The following PPP2R3C variants were observed in gnomAD, a reference collection of about 807,000 sequenced individuals.
The protein encoded by PPP2R3C is serine/threonine-protein phosphatase 2A regulatory subunit B'' subunit gamma.
A neutral mutation model predicts 63.7 loss-of-function variants in PPP2R3C; 47 were observed. The observed-to-expected ratio is 0.74, with a 90% CI of 0.58 to 0.94. PPP2R3C has a LOEUF of 0.94. Among genes scored for constraint, PPP2R3C ranks in the 40% least tolerant of loss-of-function variants. The pLI, the probability that PPP2R3C is intolerant of heterozygous loss-of-function variation, is 0.00. For missense variants in PPP2R3C, 421 were observed against 518.4 expected, an observed-to-expected ratio of 0.81 and a Z score of 1.82; for synonymous variants, 180 against 177.4, an observed-to-expected ratio of 1.01 and a Z score of -0.12.
chr14:35,120,405 C>T (rs1008659806), intron 1 of PPP2R3C, among the ~76,000 whole-genome samples: 144 of 151,796 alleles, frequency 9.5e-4, no homozygotes, highest in African/African-American at 3.3e-3. Flanking sequence ...CCACCACTAC[C>T]GGGTAATTTT....
chr14:35,091,107 C>T lies in PPP2R3C; in HGVS notation c.1076G>A (p.Gly359Glu). The T allele has an allele frequency of 6.2e-7, 1 of 1,607,184 alleles. No homozygotes were observed. The highest frequency in any genetic ancestry group is 8.5e-7 in the Non-Finnish European group (1 of 1,175,488). The change falls in exon 11 of 13, where the codon GGA becomes GAA. Residue 359 changes from glycine to glutamate, a missense_variant. Physicochemically the swap from Gly to Glu is moderately conservative, Grantham distance 98. Coordinates refer to ENST00000261475, the MANE Select transcript of PPP2R3C (RefSeq NM_017917.4). ...IFKLLDIENK[G>E]YLNVFSLNYF... Reference sequence around the variant, plus strand: ...ATTAAGTGAAAAGACATTCAGGTATCCTTTGTTCTCAATATCAAGCAGTTT... The same window carrying T: ...ATTAAGTGAAAAGACATTCAGGTATTCTTTGTTCTCAATATCAAGCAGTTT...
chr14:35,085,978 C>T (rs1237885093), intron 12 of PPP2R3C, 200 bp from the exon 13 acceptor site: 2 of 536,602 alleles, frequency 3.7e-6, no homozygotes, highest in Non-Finnish European at 6.5e-6. Flanking sequence ...CTACCTACAA[C>T]CACAAAATTT....
chr14:35,115,766 C>T (rs759137737), intron 2 of PPP2R3C, among the ~76,000 whole-genome samples: 5 of 151,946 alleles, frequency 3.3e-5, no homozygotes, highest in Admixed American at 6.6e-5. Flanking sequence ...GGATTACCGG[C>T]GCGCGCCACC....
intron 9 of PPP2R3C, among the ~76,000 whole-genome samples, chr14:35,095,686 CA>C (rs111255611): frequency 1.7e-4 from 22 of 133,060 alleles, no homozygotes; most frequent in East Asian, 6.7e-4. Context: ...AAAAAAAAAA[CA>C]AAAAAAAAAA....
intron 1 of PPP2R3C, chr14:35,116,946 A>C (rs991975321): frequency 2.3e-6 from 1 of 426,880 alleles, no homozygotes; most frequent in Middle Eastern, 7.2e-4. Context: ...TACATCTTCA[A>C]CCATTTCTCA....
At chr14:35,094,211 C>T (rs2045923792) in intron 10 of PPP2R3C, among the ~76,000 whole-genome samples, 1 of 152,146 alleles carries the variant, frequency 6.6e-6, no homozygotes, top group Non-Finnish European at 1.5e-5. Flanking sequence ...CACTCTACTG[C>T]CCAGACTGGA....
At chr14:35,087,890 T>C (rs906187916) in intron 12 of PPP2R3C, 61 bp downstream of exon 12, 3 of 1,296,202 alleles carry the variant, frequency 2.3e-6, no homozygotes, top group Non-Finnish European at 3.3e-6. Context: ...TAAAATTTCA[T>C]GTAATACAAA....
Position 35,092,634 on chromosome 14 carries a change from T to C in PPP2R3C, c.976-1427A>G, listed in dbSNP as rs181784764. Among the ~76,000 whole-genome samples the C allele has an allele frequency of 2.7e-3, 413 of 152,102 alleles. 1 individual carries two copies. The highest frequency in any genetic ancestry group is 9.5e-3 in the African/African-American group (395 of 41,498). On this transcript the variant is annotated intron_variant, in intron 10 of 12. Coordinates refer to ENST00000261475, the MANE Select transcript of PPP2R3C (RefSeq NM_017917.4). ...GGCATGCACCACCACGCCTGGCTAA[T>C]TTTGTATTTTTAGTAGAGAAGCGGT...
At chr14:35,092,046 G>T (rs2045837921) in intron 10 of PPP2R3C, among the ~76,000 whole-genome samples, 2 of 150,858 alleles carry the variant, frequency 1.3e-5, no homozygotes, top group African/African-American at 2.4e-5. Flanking sequence ...TGAGAGATTT[G>T]CTGTGTTAAA....
chr14:35,117,690 T>C (rs1002339087), intron 1 of PPP2R3C, among the ~76,000 whole-genome samples: 2 of 152,096 alleles, frequency 1.3e-5, no homozygotes, highest in Non-Finnish European at 2.9e-5. Context: ...TTCTGCTGCA[T>C]CTGTTAATTT....
intron 10 of PPP2R3C, 143 bp downstream of exon 10, chr14:35,094,905 G>T: frequency 1.2e-6 from 1 of 829,844 alleles, no homozygotes; most frequent in Non-Finnish European, 1.8e-6. Context: ...ATTGAGCGGA[G>T]ATCACACCAC....
intron 10 of PPP2R3C, among the ~76,000 whole-genome samples, chr14:35,092,860 T>C (rs1205831586): frequency 1.3e-5 from 2 of 152,138 alleles, no homozygotes; most frequent in Non-Finnish European, 2.9e-5. Flanking sequence ...TTGCCAGACA[T>C]TTTACAGTGA....
chr14:35,098,019 T>C (rs2046054976), intron 7 of PPP2R3C, among the ~76,000 whole-genome samples: 3 of 152,132 alleles, frequency 2.0e-5, no homozygotes, highest in South Asian at 4.1e-4. Context: ...GGTTATGAGA[T>C]GAAAATGAAT....
In PPP2R3C at chr14:35,088,626, CTCT is replaced by C. The variant is rs1244837683; in HGVS notation, c.1114-619_1114-617del. On this transcript the variant is annotated intron_variant, in intron 11 of 12. Transcript: ENST00000261475. Reference sequence around the variant, plus strand: ...CAGTCAACTTTGTTCCCGATGCCTACTCTGTTACCACTAATAATCAGAGTATCC... The same window carrying C: ...CAGTCAACTTTGTTCCCGATGCCTACGTTACCACTAATAATCAGAGTATCC... 2.6e-5 allele frequency among the ~76,000 whole-genome samples: 4 copies of C among 152,188 alleles called. No homozygotes were observed. The East Asian group carries it at 7.7e-4, about 29-fold the overall frequency.
chr14:35,092,139 G>T (rs2138615852), intron 10 of PPP2R3C, among the ~76,000 whole-genome samples: 1 of 152,282 alleles, frequency 6.6e-6, no homozygotes, highest in Non-Finnish European at 1.5e-5. Flanking sequence ...TACGATCATA[G>T]TTCACTGCAA....
chr14:35,089,810 C>A (rs529609261), intron 11 of PPP2R3C, among the ~76,000 whole-genome samples: 1 of 151,510 alleles, frequency 6.6e-6, no homozygotes, highest in East Asian at 1.9e-4. Context: ...GGACTATAGG[C>A]GCCCGCCACC....
In PPP2R3C at chr14:35,096,572, G is replaced by A; in HGVS notation, c.824C>T (p.Ala275Val). 6.2e-7 allele frequency: 1 copy of A among 1,612,952 alleles called. No homozygotes were observed. The highest frequency in any genetic ancestry group is 8.5e-7 in the Non-Finnish European group (1 of 1,179,136). Reference protein sequence around the residue: ...QETNWFSAPSALRVYGQYLNL... With the variant: ...QETNWFSAPSVLRVYGQYLNL... ...TAGGAACATACCATAAACTCTTAGG[G>A]CAGAAGGAGCAGAAAACCAATTTGT... The change falls in exon 9 of 13, where the codon GCC (alanine) becomes GTC (valine). Residue 275 changes from alanine (A) to valine (V), a missense_variant. By Grantham distance (64) the Ala-to-Val change is moderately conservative. Transcript: ENST00000261475.
chr14:35,091,295 T>C (rs1401575737), intron 10 of PPP2R3C, 88 bp from the exon 11 acceptor site: 1 of 1,270,966 alleles, frequency 7.9e-7, no homozygotes, highest in Non-Finnish European at 1.1e-6. Flanking sequence ...TATTTTGCAA[T>C]CAAAGGTGGC....
intron 1 of PPP2R3C, among the ~76,000 whole-genome samples, chr14:35,120,540 C>T (rs991630394): frequency 6.6e-6 from 1 of 152,208 alleles, no homozygotes. Flanking sequence ...CGACCGCGCC[C>T]GGCCGACTGC....
Sources: allele counts gnomAD v4.1 joint callset (sites outside exome capture counted in the v4.1 genomes callset), GRCh38; gene constraint gnomAD v4.1.1; transcripts MANE v1.5; gene names NCBI Gene and HGNC (gene_info 2026-07-23, HGNC 2026-07-21).